TRAF3: variants seen among roughly 807,000 people sequenced by gnomAD.
TRAF3 encodes the protein TNF receptor associated factor 3, also known as TNF receptor-associated factor 3.
A neutral mutation model predicts 62.3 loss-of-function variants in TRAF3; 13 were observed. The observed-to-expected ratio is 0.21, with a 90% CI of 0.14 to 0.33. The LOEUF (loss-of-function observed/expected upper bound fraction) is 0.33. TRAF3 is among the 10% of genes least tolerant of loss of function. The pLI, the probability that TRAF3 is intolerant of heterozygous loss-of-function variation, is 1.00. For synonymous variants in TRAF3, 269 were observed against 283.4 expected (o/e 0.95, Z 0.51); for missense variants, 440 against 741.8 (o/e 0.59, Z 4.73).
chr14:102,801,606 C>G (rs1467809484), intron 1 of TRAF3, among the ~76,000 whole-genome samples: 2 of 152,108 alleles, frequency 1.3e-5, no homozygotes, highest in Non-Finnish European at 2.9e-5. Context: ...ACAATCACAG[C>G]TCACTGCAGC....
intron 2 of TRAF3, among the ~76,000 whole-genome samples, chr14:102,847,442 T>C (rs112892420): frequency 1.4e-4 from 22 of 152,170 alleles, no homozygotes; most frequent in Non-Finnish European, 2.8e-4. Context: ...CCCAAAGTGC[T>C]GGGATTACAA....
intron 2 of TRAF3, among the ~76,000 whole-genome samples, chr14:102,852,810 C>T (rs944631755): frequency 1.3e-5 from 2 of 152,118 alleles, no homozygotes; most frequent in Non-Finnish European, 2.9e-5. Context: ...AAGCAGTTCT[C>T]CCGCCTCAGC....
intron 2 of TRAF3, among the ~76,000 whole-genome samples, chr14:102,863,821 A>G (rs181361317): frequency 8.8e-4 from 134 of 152,312 alleles, no homozygotes; most frequent in African/African-American, 2.7e-3. Context: ...TAGATGCCTC[A>G]GCACTGGGAG....
At chr14:102,884,441 A>G (rs951478983) in intron 6 of TRAF3, among the ~76,000 whole-genome samples, 6 of 152,240 alleles carry the variant, frequency 3.9e-5, no homozygotes, top group East Asian at 1.9e-4. Context: ...GTAGTAGTCA[A>G]AAGCTGTGAA....
At chr14:102,806,928 T>A (rs1327125543) in intron 1 of TRAF3, among the ~76,000 whole-genome samples, 26 of 152,150 alleles carry the variant, frequency 1.7e-4, no homozygotes. Flanking sequence ...AAGCTCTTGA[T>A]TCCTCCCTAC....
Position 102,881,397 on chromosome 14 carries a change from A to C in TRAF3, c.571-4792A>C, listed in dbSNP as rs1481646792. Among the ~76,000 whole-genome samples, 32 of 58,658 alleles carry C rather than the reference A, an allele frequency of 5.5e-4. No homozygotes were observed. The East Asian group carries it at 0.016, about 30-fold the overall frequency. The allele number at this position is 58,658 out of a possible 152,430, so 38.5% of individuals were successfully genotyped here. A position where few individuals can be genotyped will look rare whatever the true frequency, so the allele number is the denominator to read the frequency against. ...AGACTCCGTCTCAACAACAAAAACA[A>C]AAAAAAAAAAAAAGAAAAAAAGGAA... is the stretch of plus-strand genomic sequence containing the variant. On this transcript the variant is annotated intron_variant, in intron 6 of 11. Coordinates refer to ENST00000392745, the MANE Select transcript of TRAF3 (RefSeq NM_145725.3).
intron 2 of TRAF3, among the ~76,000 whole-genome samples, chr14:102,863,080 G>A (rs546755022): frequency 6.6e-6 from 1 of 152,270 alleles, no homozygotes; most frequent in South Asian, 2.1e-4. Context: ...CATATTTAAA[G>A]TCTTCATCCA....
Position 102,801,888 on chromosome 14 carries a change from C to T in TRAF3, c.-157+24213C>T, listed in dbSNP as rs1012332614. Among the ~76,000 whole-genome samples, 124 of 149,728 alleles carry T rather than the reference C, an allele frequency of 8.3e-4. 1 individual carries two copies. The highest frequency in any genetic ancestry group is 2.9e-3 in the African/African-American group (118 of 40,656). ...AAAATTAGCCGGGCGTGGTGGCGGG[C>T]GCCTGTAGTCCCAGCTACTCAGGAG... On this transcript the variant is annotated intron_variant, in intron 1 of 11. Transcript: ENST00000392745.
chr14:102,820,265 T>C (rs149154820), intron 1 of TRAF3, among the ~76,000 whole-genome samples: 4,631 of 152,100 alleles, frequency 0.03, 115 homozygotes, highest in Non-Finnish European at 0.043. Context: ...GCCTGGATCC[T>C]GCCCTTGGGT....
chr14:102,799,558 C>G (rs1418529476), intron 1 of TRAF3, among the ~76,000 whole-genome samples: 1 of 152,174 alleles, frequency 6.6e-6, no homozygotes, highest in Admixed American at 6.5e-5. Context: ...TCAGGCAGTT[C>G]TTCTGCCCCA....
chr14:102,879,967 T>G (rs989764042), intron 6 of TRAF3, among the ~76,000 whole-genome samples: 3 of 151,690 alleles, frequency 2.0e-5, no homozygotes, highest in Non-Finnish European at 4.4e-5. Flanking sequence ...AAATAAAAAT[T>G]TAGCCGGGTG....
intron 1 of TRAF3, among the ~76,000 whole-genome samples, chr14:102,818,152 A>T (rs1899652227): frequency 6.6e-6 from 1 of 152,196 alleles, no homozygotes; most frequent in South Asian, 2.1e-4. Context: ...CGTGTTCTCA[A>T]AACACTTTAC....
At chr14:102,787,402 C>A (rs973460728) in intron 1 of TRAF3, among the ~76,000 whole-genome samples, 1 of 151,578 alleles carries the variant, frequency 6.6e-6, no homozygotes, top group East Asian at 1.9e-4. Context: ...TTGGGCTGGG[C>A]GTGGTGGCTC....
intron 1 of TRAF3, among the ~76,000 whole-genome samples, chr14:102,827,903 G>C (rs1420419433): frequency 5.3e-5 from 8 of 152,234 alleles, no homozygotes; most frequent in African/African-American, 1.4e-4. Context: ...TGCTGTACTT[G>C]GTTTTCTGGA....
intron 1 of TRAF3, among the ~76,000 whole-genome samples, chr14:102,784,155 G>C (rs1232643710): frequency 6.6e-6 from 1 of 151,558 alleles, no homozygotes; most frequent in Non-Finnish European, 1.5e-5. Context: ...CTTCACGCAG[G>C]ATAGGTTTTT....
chr14:102,789,841 A>G (rs1897704870), intron 1 of TRAF3, among the ~76,000 whole-genome samples: 1 of 150,152 alleles, frequency 6.7e-6, no homozygotes, highest in Non-Finnish European at 1.5e-5. Context: ...TTTTTTTGAG[A>G]CCGAGTCTCC....
chr14:102,805,412 G>T (rs1293079946), intron 1 of TRAF3, among the ~76,000 whole-genome samples: 1 of 152,204 alleles, frequency 6.6e-6, no homozygotes, highest in African/African-American at 2.4e-5. Context: ...CATAAAGACA[G>T]TGACAAGTGG....
In TRAF3 at chr14:102,907,201, G is replaced by A. The variant is rs553834527; in HGVS notation, c.*1417G>A. 1.3e-5 allele frequency: 2 copies of A among 152,370 alleles called. No individual in the cohort carries two copies. The highest frequency in any genetic ancestry group is 4.1e-4 in the South Asian group (2 of 4,832). The allele number at this position is 152,370 out of a possible 1,614,324, so 9.4% of individuals were successfully genotyped here. A position where few individuals can be genotyped will look rare whatever the true frequency, so the allele number is the denominator to read the frequency against. On this transcript the variant is annotated 3_prime_UTR_variant, in exon 12 of 12. Transcript: ENST00000392745. Reference sequence around the variant, plus strand: ...TGGAACAGAAGCCGAGCCTCTCCGTGTCCCCACCGGGGCCGTGGGCACCCC... The same window carrying A: ...TGGAACAGAAGCCGAGCCTCTCCGTATCCCCACCGGGGCCGTGGGCACCCC...
intron 1 of TRAF3, among the ~76,000 whole-genome samples, chr14:102,815,697 T>G (rs1267235878): frequency 2.0e-5 from 3 of 152,204 alleles, no homozygotes; most frequent in African/African-American, 7.2e-5. Context: ...GGGTAGTTTT[T>G]AAAGGAAAGA....
Sources: allele counts gnomAD v4.1 joint callset (sites outside exome capture counted in the v4.1 genomes callset), GRCh38; gene constraint gnomAD v4.1.1; transcripts MANE v1.5; gene names NCBI Gene and HGNC (gene_info 2026-07-23, HGNC 2026-07-21).